Variants in DCC observed in about 807,000 individuals in gnomAD.
The protein encoded by DCC is DCC netrin 1 receptor, also known as netrin receptor DCC.
A neutral mutation model predicts 172.5 loss-of-function variants in DCC; 58 were observed. The observed-to-expected ratio is 0.34, with a 90% CI of 0.27 to 0.42. DCC has a LOEUF of 0.42. Among genes scored for constraint, DCC ranks in the 10% least tolerant of loss-of-function variants. The pLI is 1.00. For missense variants in DCC, 1,740 were observed against 1,791.0 expected (o/e 0.97, Z 0.51); for synonymous variants, 709 against 644.5 (o/e 1.10, Z -1.52).
chr18:53,496,938 G>GT (rs1321323390), intron 26 of DCC, among the ~76,000 whole-genome samples: 3 of 151,994 alleles, frequency 2.0e-5, no homozygotes, highest in African/African-American at 7.2e-5. Context: ...AAAGAAGGGA[G>GT]TAAAAAAGGA....
At chr18:52,748,087 G>T (rs776844575) in intron 1 of DCC, among the ~76,000 whole-genome samples, 4 of 152,148 alleles carry the variant, frequency 2.6e-5, no homozygotes, top group Non-Finnish European at 4.4e-5. Flanking sequence ...GGCATGGAGC[G>T]GTGAGGGGTG....
At chr18:52,645,607 G>A (rs35082739) in intron 1 of DCC, among the ~76,000 whole-genome samples, 21,155 of 152,128 alleles carry the variant, frequency 0.14, 1,764 homozygotes, top group Non-Finnish European at 0.19. Flanking sequence ...GGAAGTGAAA[G>A]GAATATCCCA....
At chr18:53,155,958 TAAAC>T (rs1207503832) in intron 7 of DCC, among the ~76,000 whole-genome samples, 1 of 152,186 alleles carries the variant, frequency 6.6e-6, no homozygotes, top group African/African-American at 2.4e-5. Flanking sequence ...CAGAACAGTG[TAAAC>T]ATGTAGACAG....
At chr18:52,592,778 C>T (rs543189951) in intron 1 of DCC, among the ~76,000 whole-genome samples, 8 of 152,244 alleles carry the variant, frequency 5.3e-5, no homozygotes, top group East Asian at 3.9e-4. Flanking sequence ...GGATTACAGG[C>T]GTGTGCTTCC....
chr18:53,017,621 A>G (rs2041827566), intron 5 of DCC, among the ~76,000 whole-genome samples: 2 of 152,170 alleles, frequency 1.3e-5, no homozygotes, highest in African/African-American at 4.8e-5. Flanking sequence ...CTTAGGAACA[A>G]TGGTCCATAA....
At chr18:53,177,335 A>G (rs1402648561) in intron 8 of DCC, among the ~76,000 whole-genome samples, 1 of 152,150 alleles carries the variant, frequency 6.6e-6, no homozygotes, top group East Asian at 1.9e-4. Flanking sequence ...TATAATAAAA[A>G]AAAAGAAAAA....
At chr18:52,981,268 A>G (rs2145604662) in intron 5 of DCC, among the ~76,000 whole-genome samples, 1 of 152,272 alleles carries the variant, frequency 6.6e-6, no homozygotes, top group African/African-American at 2.4e-5. Context: ...ATACCCATAG[A>G]CTCAGTTTGA....
At chr18:52,927,058 C>CGT (rs1479583682) in intron 5 of DCC, among the ~76,000 whole-genome samples, 2 of 98,650 alleles carry the variant, frequency 2.0e-5, no homozygotes, top group African/African-American at 7.5e-5. Context: ...TATATATACA[C>CGT]ATATATACAC....
chr18:52,473,778 A>C (rs942411485), intron 1 of DCC, among the ~76,000 whole-genome samples: 4 of 152,148 alleles, frequency 2.6e-5, no homozygotes, highest in African/African-American at 9.7e-5. Flanking sequence ...GTTGGGACAC[A>C]GCCAAACCAT....
At chr18:53,030,200 C>T (rs940578037) in intron 5 of DCC, among the ~76,000 whole-genome samples, 10 of 152,220 alleles carry the variant, frequency 6.6e-5, no homozygotes, top group Non-Finnish European at 1.5e-4. Context: ...ATTATCCCCC[C>T]ATTCCACCCC....
At chr18:53,026,719 C>A (rs1198413366) in intron 5 of DCC, among the ~76,000 whole-genome samples, 1 of 151,954 alleles carries the variant, frequency 6.6e-6, no homozygotes, top group Non-Finnish European at 1.5e-5. Flanking sequence ...CCATACCTGA[C>A]TAAAATTTTT....
chr18:52,555,710 T>G lies in DCC; in HGVS notation c.92-196344T>G, dbSNP rs940506478. On this transcript the variant is annotated intron_variant, in intron 1 of 28. Transcript: ENST00000442544. ...TGGTAATTTCGTTCTAAGAAGACTG[T>G]TTTTTAAAAAATCTGTTATTATTTA... is the stretch of plus-strand genomic sequence containing the variant. Among the ~76,000 whole-genome samples the G allele has an allele frequency of 3.3e-5, 5 of 152,118 alleles. No homozygotes were observed. In the East Asian group the frequency reaches 5.8e-4, roughly 18 times the overall value.
At chr18:53,424,591 C>T (rs77048393) in intron 21 of DCC, among the ~76,000 whole-genome samples, 1 of 152,086 alleles carries the variant, frequency 6.6e-6, no homozygotes, top group Non-Finnish European at 1.5e-5. Context: ...AAACCTAAGA[C>T]TGGGCTTTAA....
chr18:53,142,523 C>T (rs1247759357), intron 7 of DCC, among the ~76,000 whole-genome samples: 1 of 152,236 alleles, frequency 6.6e-6, no homozygotes, highest in Admixed American at 6.5e-5. Flanking sequence ...CTTTTTTAGA[C>T]AAACACTAGT....
chr18:53,155,942 T>C (rs960318103), intron 7 of DCC, among the ~76,000 whole-genome samples: 1 of 151,822 alleles, frequency 6.6e-6, no homozygotes, highest in Non-Finnish European at 1.5e-5. Flanking sequence ...CAGAAATAAA[T>C]TGTATCAGAA....
At chr18:53,239,016 G>A (rs1277421440) in intron 12 of DCC, among the ~76,000 whole-genome samples, 2 of 148,066 alleles carry the variant, frequency 1.4e-5, no homozygotes, top group Non-Finnish European at 3.0e-5. Flanking sequence ...GACACAGGAA[G>A]GGGGACATCA....
At chr18:53,329,766 A>G (rs554391387) in intron 14 of DCC, among the ~76,000 whole-genome samples, 80 of 152,166 alleles carry the variant, frequency 5.3e-4, no homozygotes, top group Non-Finnish European at 1.1e-3. Context: ...ATGGAAGAAT[A>G]AATGTAAAAG....
chr18:53,032,159 C>T (rs2042034149), intron 5 of DCC, among the ~76,000 whole-genome samples: 1 of 151,862 alleles, frequency 6.6e-6, no homozygotes, highest in Admixed American at 6.6e-5. Flanking sequence ...TTATTTTTTC[C>T]TGCCATGAAG....
chr18:53,261,442 T>A (rs1286097688), intron 12 of DCC, among the ~76,000 whole-genome samples: 1 of 152,112 alleles, frequency 6.6e-6, no homozygotes, highest in Non-Finnish European at 1.5e-5. Flanking sequence ...AGGGCTCAGT[T>A]TCAATAAGGA....
Sources: allele counts gnomAD v4.1 joint callset (sites outside exome capture counted in the v4.1 genomes callset), GRCh38; gene constraint gnomAD v4.1.1; transcripts MANE v1.5; gene names NCBI Gene and HGNC (gene_info 2026-07-23, HGNC 2026-07-21).